TRAPPC9: variants seen among roughly 807,000 people sequenced by gnomAD.
The protein encoded by TRAPPC9 is trafficking protein particle complex subunit 9.
A neutral mutation model predicts 124.0 loss-of-function variants in TRAPPC9; 83 were observed. The ratio of observed to expected loss-of-function variants is 0.67; its 90% CI spans 0.56 to 0.80. The LOEUF is 0.80. Among genes scored for constraint, TRAPPC9 ranks in the 30% least tolerant of loss-of-function variants. The pLI is 0.00. For synonymous variants in TRAPPC9, 638 were observed against 617.5 expected, an observed-to-expected ratio of 1.03 and a Z score of -0.49; for missense variants, 1,302 against 1,508.3, an observed-to-expected ratio of 0.86 and a Z score of 2.27.
At chr8:139,947,239 C>A (rs1162176584) in intron 19 of TRAPPC9, among the ~76,000 whole-genome samples, 1 of 152,190 alleles carries the variant, frequency 6.6e-6, no homozygotes, top group Non-Finnish European at 1.5e-5. Flanking sequence ...AATATTCTCA[C>A]ACTTCAGATG....
intron 21 of TRAPPC9, among the ~76,000 whole-genome samples, chr8:139,863,613 T>C (rs115190074): frequency 9.6e-4 from 147 of 152,338 alleles, no homozygotes; most frequent in African/African-American, 3.4e-3. Context: ...AGGAGCACTG[T>C]TGCCCCTTGC....
chr8:140,167,126 A>AGTGACAGTT (rs1339263214), intron 17 of TRAPPC9, among the ~76,000 whole-genome samples: 2 of 149,534 alleles, frequency 1.3e-5, no homozygotes, highest in African/African-American at 4.9e-5. Context: ...GAAGAATCTA[A>AGTGACAGTT]GTGACAGTTC....
chr8:140,256,818 C>G (rs1272453988), intron 15 of TRAPPC9, among the ~76,000 whole-genome samples: 1 of 152,136 alleles, frequency 6.6e-6, no homozygotes, highest in African/African-American at 2.4e-5. Context: ...TACCTACTTT[C>G]TAGGGCTGCT....
intron 21 of TRAPPC9, among the ~76,000 whole-genome samples, chr8:139,732,445 G>A (rs1436279754): frequency 6.6e-6 from 1 of 152,356 alleles, no homozygotes; most frequent in Non-Finnish European, 1.5e-5. Flanking sequence ...CACCCCAATG[G>A]AGGGGCCTCT....
At chr8:140,245,172 T>A (rs1474265976) in intron 16 of TRAPPC9, among the ~76,000 whole-genome samples, 1 of 152,172 alleles carries the variant, frequency 6.6e-6, no homozygotes. Flanking sequence ...AATAAAGGTA[T>A]CACTTAATGA....
intron 21 of TRAPPC9, among the ~76,000 whole-genome samples, chr8:139,852,813 G>A (rs1335585098): frequency 1.3e-5 from 2 of 152,126 alleles, no homozygotes. Flanking sequence ...GACATGAAAA[G>A]GTAAGTTCAT....
intron 21 of TRAPPC9, among the ~76,000 whole-genome samples, chr8:139,737,880 G>A (rs1818304055): frequency 6.6e-6 from 1 of 152,222 alleles, no homozygotes; most frequent in African/African-American, 2.4e-5. Flanking sequence ...GGGAGGATCT[G>A]CAGGAGCAGC....
chr8:140,048,146 T>C (rs890164899), intron 17 of TRAPPC9, among the ~76,000 whole-genome samples: 4 of 152,258 alleles, frequency 2.6e-5, no homozygotes, highest in African/African-American at 7.2e-5. Flanking sequence ...ATGCCAGCTC[T>C]GCACTAACAG....
chr8:140,105,643 C>A (rs1213723696), intron 17 of TRAPPC9, among the ~76,000 whole-genome samples: 2 of 152,178 alleles, frequency 1.3e-5, no homozygotes, highest in Non-Finnish European at 2.9e-5. Flanking sequence ...TGGTAAACAC[C>A]TCGTCTCCTC....
At chr8:140,441,823 C>T (rs1159588948) in intron 2 of TRAPPC9, among the ~76,000 whole-genome samples, 1 of 152,022 alleles carries the variant, frequency 6.6e-6, no homozygotes, top group Non-Finnish European at 1.5e-5. Context: ...CCTTGGCCTC[C>T]CACAGTGCTA....
intron 19 of TRAPPC9, among the ~76,000 whole-genome samples, chr8:139,966,115 C>G (rs550714058): frequency 2.6e-5 from 4 of 152,062 alleles, no homozygotes; most frequent in Non-Finnish European, 5.9e-5. Context: ...CCCCTCCAAG[C>G]GAGTCACAGT....
At chr8:139,945,420 T>C (rs1834143708) in intron 19 of TRAPPC9, among the ~76,000 whole-genome samples, 1 of 151,686 alleles carries the variant, frequency 6.6e-6, no homozygotes, top group African/African-American at 2.4e-5. Flanking sequence ...CATATGAGGA[T>C]ACAATCAAAG....
At chr8:140,288,504 T>A (rs1157191557) in intron 12 of TRAPPC9, among the ~76,000 whole-genome samples, 1 of 152,096 alleles carries the variant, frequency 6.6e-6, no homozygotes, top group Non-Finnish European at 1.5e-5. Context: ...TGGCCCATGA[T>A]TGGAAGCAGT....
chr8:140,002,788 C>T (rs1297117670), intron 18 of TRAPPC9, among the ~76,000 whole-genome samples: 4 of 126,764 alleles, frequency 3.2e-5, no homozygotes, highest in South Asian at 2.4e-4. Context: ...GAGAATTCAA[C>T]GGAGAAGAGA....
intron 19 of TRAPPC9, among the ~76,000 whole-genome samples, chr8:139,966,942 C>T (rs1439893877): frequency 1.3e-5 from 2 of 152,096 alleles, no homozygotes; most frequent in Admixed American, 1.3e-4. Context: ...TGTAAGATGA[C>T]ATATTAACAT....
At chr8:140,211,944 G>T (rs142858268) in intron 17 of TRAPPC9, among the ~76,000 whole-genome samples, 10 of 152,338 alleles carry the variant, frequency 6.6e-5, no homozygotes, top group African/African-American at 2.4e-4. Flanking sequence ...AGGTGGGAAC[G>T]GACAGCAGAC....
intron 17 of TRAPPC9, among the ~76,000 whole-genome samples, chr8:140,169,706 T>C (rs947001739): frequency 2.0e-5 from 3 of 152,054 alleles, no homozygotes; most frequent in Non-Finnish European, 4.4e-5. Flanking sequence ...ACATTCAGAA[T>C]AGGAAAATCT....
chr8:139,978,402 A>C, intron 19 of TRAPPC9, among the ~76,000 whole-genome samples: 1 of 152,260 alleles, frequency 6.6e-6, no homozygotes, highest in East Asian at 1.9e-4. Flanking sequence ...GTACTTGTTG[A>C]TAATGAGGAA....
At chr8:140,080,413 T>C (rs1843747166) in intron 17 of TRAPPC9, among the ~76,000 whole-genome samples, 1 of 152,236 alleles carries the variant, frequency 6.6e-6, no homozygotes, top group African/African-American at 2.4e-5. Context: ...GCTATGATTC[T>C]GGTAGCTGGA....
Sources: gnomAD v4.1 joint callset for allele counts (sites outside exome capture counted in the v4.1 genomes callset) on GRCh38, gnomAD v4.1.1 for gene constraint, MANE v1.5 for transcripts, NCBI Gene and HGNC (gene_info 2026-07-23, HGNC 2026-07-21) for gene names.